The following NFAT5 variants were observed in gnomAD, a reference collection of about 807,000 sequenced individuals.
NFAT5 encodes the protein nuclear factor of activated T cells 5, also known as nuclear factor of activated T-cells 5.
Under a neutral mutation model 166.5 loss-of-function variants are expected in NFAT5, and 31 were observed. That is an observed-to-expected ratio of 0.19 (90% CI 0.14 to 0.25). The LOEUF is 0.25. NFAT5 is among the 10% of genes least tolerant of loss of function. The pLI is 1.00. For missense variants in NFAT5, 1,449 were observed against 1,821.8 expected, an observed-to-expected ratio of 0.80 and a Z score of 3.72; for synonymous variants, 612 against 639.7, an observed-to-expected ratio of 0.96 and a Z score of 0.65.
intron 10 of NFAT5, among the ~76,000 whole-genome samples, chr16:69,682,438 C>T (rs931263388): frequency 8.0e-5 from 12 of 150,764 alleles, no homozygotes; most frequent in South Asian, 4.2e-4. Context: ...TGAGACCCCC[C>T]CCCCCGCCAT....
At chr16:69,584,686 G>C (rs1054673368) in intron 2 of NFAT5, among the ~76,000 whole-genome samples, 1 of 151,934 alleles carries the variant, frequency 6.6e-6, no homozygotes, top group African/African-American at 2.4e-5. Flanking sequence ...TTACTCAGGA[G>C]CCTCAGGCGG....
chr16:69,646,437 A>T, intron 3 of NFAT5: 1 of 567,934 alleles, frequency 1.8e-6, no homozygotes, highest in Admixed American at 3.7e-5. Context: ...TATTTTTTCT[A>T]TTTATTTCTC....
intron 2 of NFAT5, among the ~76,000 whole-genome samples, chr16:69,574,816 G>A (rs183255965): frequency 2.0e-5 from 3 of 151,632 alleles, no homozygotes; most frequent in Non-Finnish European, 2.9e-5. Context: ...TTACAGGCAC[G>A]CACCACCATG....
intron 3 of NFAT5, among the ~76,000 whole-genome samples, chr16:69,636,979 T>C (rs923860686): frequency 1.3e-5 from 2 of 152,246 alleles, no homozygotes; most frequent in Non-Finnish European, 2.9e-5. Flanking sequence ...TTTTCCATAC[T>C]TGTATGCTTT....
chr16:69,652,843 A>G (rs957001561), intron 4 of NFAT5, among the ~76,000 whole-genome samples: 3 of 152,124 alleles, frequency 2.0e-5, no homozygotes, highest in African/African-American at 7.2e-5. Flanking sequence ...TGGAATTTAT[A>G]TGTGGAATGC....
Position 69,605,355 on chromosome 16 carries a change from G to A in NFAT5, c.128-21048G>A, listed in dbSNP as rs543158632. ...CTTGGGAGGCTGAGGTAGGAGAATC[G>A]CTTGAACCCAGGAGGCGGAGGTTGC... On this transcript the variant is annotated intron_variant, in intron 2 of 14. Coordinates refer to ENST00000349945, the MANE Select transcript of NFAT5 (RefSeq NM_138713.4). Among the ~76,000 whole-genome samples, 3 of 152,180 alleles carry A rather than the reference G, an allele frequency of 2.0e-5. No individual in the cohort carries two copies. In the South Asian group the frequency reaches 6.2e-4, roughly 32 times the overall value.
At chr16:69,666,522 A>C (rs1334832237) in intron 7 of NFAT5, among the ~76,000 whole-genome samples, 1 of 152,242 alleles carries the variant, frequency 6.6e-6, no homozygotes, top group East Asian at 1.9e-4. Flanking sequence ...ACATGAACAG[A>C]CACTTCTCAA....
intron 3 of NFAT5, among the ~76,000 whole-genome samples, chr16:69,635,715 A>G (rs1199926945): frequency 6.6e-6 from 1 of 152,308 alleles, no homozygotes; most frequent in African/African-American, 2.4e-5. Context: ...AACCCATCAG[A>G]TCTCCTGAGA....
chr16:69,578,777 T>C, intron 2 of NFAT5, among the ~76,000 whole-genome samples: 1 of 152,150 alleles, frequency 6.6e-6, no homozygotes, highest in African/African-American at 2.4e-5. Flanking sequence ...GAATGAATAA[T>C]AAATTAATTT....
At chr16:69,617,528 T>C (rs931588654) in intron 2 of NFAT5, among the ~76,000 whole-genome samples, 2 of 151,610 alleles carry the variant, frequency 1.3e-5, no homozygotes, top group African/African-American at 4.8e-5. Flanking sequence ...CCTTGCTCTG[T>C]CACCCAGGCT....
chr16:69,697,171 C>T lies in NFAT5; in HGVS notation c.*820C>T, dbSNP rs1191729755. On this transcript the variant is annotated 3_prime_UTR_variant, in exon 15 of 15. Coordinates refer to ENST00000349945, the MANE Select transcript of NFAT5 (RefSeq NM_138713.4). The stretch of plus-strand genomic sequence containing the variant: ...AAAAATTTGAATGTTTTCTTCTTAA[C>T]CCAGTCTTAGGCTGGTATTCCCTTT... The T allele has an allele frequency of 1.3e-5, 2 of 152,572 alleles. No individual in the cohort carries two copies. The highest frequency in any genetic ancestry group is 2.4e-5 in the African/African-American group (1 of 41,426). The allele number at this position is 152,572 out of a possible 1,614,324, so 9.5% of individuals were successfully genotyped here.
chr16:69,583,948 G>C (rs1049197588), intron 2 of NFAT5, among the ~76,000 whole-genome samples: 6 of 152,150 alleles, frequency 3.9e-5, no homozygotes, highest in African/African-American at 1.4e-4. Flanking sequence ...GTTGGGGCCA[G>C]TTGCGGTGGC....
At chr16:69,660,885 A>G (rs1379704868) in intron 7 of NFAT5, among the ~76,000 whole-genome samples, 3 of 151,040 alleles carry the variant, frequency 2.0e-5, no homozygotes, top group Admixed American at 2.0e-4. Flanking sequence ...CTCTGCTTAC[A>G]GCAACCTCCA....
intron 2 of NFAT5, among the ~76,000 whole-genome samples, chr16:69,624,723 T>A (rs531504613): frequency 5.8e-4 from 88 of 152,244 alleles, no homozygotes; most frequent in African/African-American, 2.1e-3. Context: ...TCTCTTACCA[T>A]GGATAAAATG....
intron 5 of NFAT5, among the ~76,000 whole-genome samples, chr16:69,654,023 A>G (rs79154771): frequency 3.8e-5 from 5 of 131,572 alleles, no homozygotes; most frequent in Non-Finnish European, 8.4e-5. Context: ...GGAAATGAGG[A>G]AAAAAAAAGA....
At chr16:69,688,119 C>T (rs2037384713) in intron 11 of NFAT5, among the ~76,000 whole-genome samples, 1 of 147,872 alleles carries the variant, frequency 6.8e-6, no homozygotes, top group Admixed American at 6.8e-5. Context: ...TGGCGTGAAC[C>T]CGGGAAGCGG....
chr16:69,686,352 C>CA (rs1264333069), intron 11 of NFAT5, among the ~76,000 whole-genome samples: 2,250 of 141,366 alleles, frequency 0.016, 47 homozygotes, highest in African/African-American at 0.047. Flanking sequence ...GACTCGGTCT[C>CA]AAAAAAAAAA....
At chr16:69,621,549 A>G (rs2034199228) in intron 2 of NFAT5, among the ~76,000 whole-genome samples, 2 of 152,216 alleles carry the variant, frequency 1.3e-5, no homozygotes, top group Admixed American at 1.3e-4. Context: ...TTGTGTTTAT[A>G]AACCTGGAAT....
In NFAT5 at chr16:69,655,629, T is replaced by C; in HGVS notation, c.1026T>C (p.Pro342=). Residue 342 remains proline (P), a synonymous_variant, in exon 6 of 15, where the codon CCT becomes CCC. Transcript: ENST00000349945. Reference sequence around the variant, plus strand: ...TTCAGCTGGAAGGCCATAATGAACCTGTAGTGTTGCAAGTGTTTGTGGGCA... The same window carrying C: ...TTCAGCTGGAAGGCCATAATGAACCCGTAGTGTTGCAAGTGTTTGTGGGCA... ...PTVKLEGHNE[P]VVLQVFVGND... 6.2e-7 allele frequency: 1 copy of C among 1,609,548 alleles called. No homozygotes were observed. Among genetic ancestry groups the C allele is most frequent in the Non-Finnish European group, 8.5e-7 (1 of 1,177,448 alleles).
Sources: gnomAD v4.1 joint callset for allele counts (sites outside exome capture counted in the v4.1 genomes callset) on GRCh38, gnomAD v4.1.1 for gene constraint, MANE v1.5 for transcripts, NCBI Gene and HGNC (gene_info 2026-07-23, HGNC 2026-07-21) for gene names.